The following CALN1 variants were observed in gnomAD, a reference collection of about 807,000 sequenced individuals.
CALN1 encodes the protein calcium-binding protein 8.
In CALN1, 17 loss-of-function variants were observed where a neutral mutation model predicts 30.6. The observed-to-expected ratio is 0.56, with a 90% CI of 0.38 to 0.83. CALN1 has a LOEUF of 0.83. Among genes scored for constraint, CALN1 ranks in the 40% least tolerant of loss-of-function variants. CALN1 has a pLI of 0.00. For synonymous variants in CALN1, 156 were observed against 131.4 expected (o/e 1.19, Z -1.28); for missense variants, 291 against 354.9 (o/e 0.82, Z 1.45).
intron 3 of CALN1, among the ~76,000 whole-genome samples, chr7:72,208,428 GAATAAAACACTT>G (rs1792051675): frequency 6.6e-6 from 1 of 152,170 alleles, no homozygotes; most frequent in Admixed American, 6.6e-5. Flanking sequence ...TGCTAAATAT[GAATAAAACACTT>G]GCACAGCCAC....
chr7:72,178,523 T>C (rs1160180287), intron 3 of CALN1, among the ~76,000 whole-genome samples: 1 of 151,974 alleles, frequency 6.6e-6, no homozygotes, highest in African/African-American at 2.4e-5. Flanking sequence ...AAACCCTCTT[T>C]ACTGAAAAGA....
intron 6 of CALN1, among the ~76,000 whole-genome samples, chr7:71,791,828 T>G (rs1786569295): frequency 6.6e-6 from 1 of 152,014 alleles, no homozygotes; most frequent in African/African-American, 2.4e-5. Flanking sequence ...GCTAACACGG[T>G]GAAACCCTGT....
intron 2 of CALN1, among the ~76,000 whole-genome samples, chr7:72,339,707 C>A (rs1453193607): frequency 6.6e-6 from 1 of 152,152 alleles, no homozygotes. Flanking sequence ...ACAGTCATGG[C>A]AGAAGGTAAA....
intron 2 of CALN1, among the ~76,000 whole-genome samples, chr7:72,371,803 A>T (rs982612582): frequency 1.3e-5 from 2 of 152,222 alleles, no homozygotes; most frequent in African/African-American, 4.8e-5. Flanking sequence ...TCCAGGAATC[A>T]ATTCAGTAGT....
rs1330053076 is a variant in CALN1, at chr7:72,388,628, T to G, written c.119+14623A>C. Among the ~76,000 whole-genome samples the G allele has an allele frequency of 2.6e-5, 4 of 152,220 alleles. No homozygotes were observed. The East Asian group carries it at 7.7e-4, about 29-fold the overall frequency. On this transcript the variant is annotated intron_variant, in intron 2 of 6. Coordinates refer to ENST00000395275, the MANE Select transcript of CALN1 (RefSeq NM_031468.4). Reference sequence around the variant, plus strand: ...ATTCAAAACCGTTCTAAAAAAAGTTTATTCTTAAAAAATTTATTCTCATAT... The same window carrying G: ...ATTCAAAACCGTTCTAAAAAAAGTTGATTCTTAAAAAATTTATTCTCATAT...
At chr7:72,133,174 A>G (rs952240450) in intron 3 of CALN1, among the ~76,000 whole-genome samples, 3 of 152,196 alleles carry the variant, frequency 2.0e-5, no homozygotes, top group East Asian at 3.9e-4. Flanking sequence ...TTTGATGGAC[A>G]CTACACAATG....
At chr7:71,981,691 G>A (rs1247422989) in intron 5 of CALN1, among the ~76,000 whole-genome samples, 3 of 151,806 alleles carry the variant, frequency 2.0e-5, no homozygotes, top group Non-Finnish European at 4.4e-5. Flanking sequence ...AAAAACAAGA[G>A]GACAGGGTTC....
At chr7:72,007,053 T>C (rs183466973) in intron 5 of CALN1, among the ~76,000 whole-genome samples, 2 of 152,320 alleles carry the variant, frequency 1.3e-5, no homozygotes, top group Non-Finnish European at 2.9e-5. Flanking sequence ...GAGACAGTTC[T>C]TCCTCACGTG....
chr7:72,282,217 A>T (rs1046256796), intron 2 of CALN1, among the ~76,000 whole-genome samples: 1 of 152,212 alleles, frequency 6.6e-6, no homozygotes. Flanking sequence ...GTTCAAGCAA[A>T]GATAAACCTT....
At chr7:72,049,033 T>C (rs1006834049) in intron 4 of CALN1, among the ~76,000 whole-genome samples, 2 of 152,140 alleles carry the variant, frequency 1.3e-5, no homozygotes, top group Non-Finnish European at 2.9e-5. Context: ...GCTCTAGAAC[T>C]TCCAGGTTCA....
chr7:72,223,778 G>GA (rs1210898203), intron 3 of CALN1, among the ~76,000 whole-genome samples: 3 of 152,194 alleles, frequency 2.0e-5, no homozygotes, highest in African/African-American at 7.2e-5. Context: ...ATTGGGTAAA[G>GA]AAAATGTGGT....
intron 4 of CALN1, among the ~76,000 whole-genome samples, chr7:72,051,963 T>A (rs1802862857): frequency 6.6e-6 from 1 of 152,220 alleles, no homozygotes; most frequent in Non-Finnish European, 1.5e-5. Context: ...TCCATTAACA[T>A]AAGCAATGCC....
chr7:72,185,335 A>G (rs1433650734), intron 3 of CALN1, among the ~76,000 whole-genome samples: 1 of 152,166 alleles, frequency 6.6e-6, no homozygotes, highest in Non-Finnish European at 1.5e-5. Flanking sequence ...AGGAAAAGAA[A>G]AAGATGAATG....
chr7:71,966,740 T>G (rs1282539221), intron 5 of CALN1, among the ~76,000 whole-genome samples: 6 of 152,222 alleles, frequency 3.9e-5, no homozygotes, highest in Non-Finnish European at 8.8e-5. Context: ...AAGAACAGAC[T>G]AATACCATGG....
At chr7:72,327,185 CA>C (rs1259573949) in intron 2 of CALN1, among the ~76,000 whole-genome samples, 13 of 152,282 alleles carry the variant, frequency 8.5e-5, no homozygotes, top group African/African-American at 3.1e-4. Flanking sequence ...CAGAACACAT[CA>C]ATGGTTCTGA....
chr7:72,056,080 T>C (rs1803241046), intron 4 of CALN1, among the ~76,000 whole-genome samples: 1 of 152,200 alleles, frequency 6.6e-6, no homozygotes, highest in Non-Finnish European at 1.5e-5. Context: ...TTTAGTGATA[T>C]ATTTTTAAAG....
intron 3 of CALN1, among the ~76,000 whole-genome samples, chr7:72,132,252 T>C (rs1269011418): frequency 6.6e-5 from 10 of 152,162 alleles, no homozygotes; most frequent in Non-Finnish European, 1.2e-4. Flanking sequence ...TTAAACATGC[T>C]TAGGACACTT....
At chr7:71,857,010 A>G (rs988003604) in intron 5 of CALN1, among the ~76,000 whole-genome samples, 3 of 123,726 alleles carry the variant, frequency 2.4e-5, no homozygotes, top group African/African-American at 1.0e-4. Context: ...CATGGTGTGT[A>G]TATGTATGTG....
intron 2 of CALN1, among the ~76,000 whole-genome samples, chr7:72,396,207 G>A (rs1397375166): frequency 2.9e-5 from 4 of 136,734 alleles, no homozygotes; most frequent in African/African-American, 1.1e-4. Context: ...GACCAGCCTG[G>A]TCAGCATGGT....
Sources: gnomAD v4.1 joint callset for allele counts (sites outside exome capture counted in the v4.1 genomes callset) on GRCh38, gnomAD v4.1.1 for gene constraint, MANE v1.5 for transcripts, NCBI Gene and HGNC (gene_info 2026-07-23, HGNC 2026-07-21) for gene names.